The following ACSS3 variants were observed in gnomAD, a reference collection of about 807,000 sequenced individuals.
The protein encoded by ACSS3 is acyl-CoA synthetase short-chain family member 3, mitochondrial.
A neutral mutation model predicts 84.2 loss-of-function variants in ACSS3; 64 were observed. That is an observed-to-expected ratio of 0.76 (90% CI 0.62 to 0.94). The LOEUF is 0.94. Ranked by LOEUF, ACSS3 falls within the 40% of genes least tolerant of loss-of-function variation. The pLI, the probability that ACSS3 is intolerant of heterozygous loss-of-function variation, is 0.00. For missense variants in ACSS3, 815 were observed against 867.6 expected, an observed-to-expected ratio of 0.94 and a Z score of 0.76; for synonymous variants, 317 against 310.1, an observed-to-expected ratio of 1.02 and a Z score of -0.23.
chr12:81,253,139 T>C (rs773392057), intron 13 of ACSS3, among the ~76,000 whole-genome samples, 168 bp from the exon 14 acceptor site: 2 of 152,220 alleles, frequency 1.3e-5, no homozygotes, highest in Non-Finnish European at 2.9e-5. Context: ...AAATTACTTA[T>C]GAATTTTCAA....
In ACSS3 at chr12:81,198,816, C is replaced by T. The variant is rs1184697119; in HGVS notation, c.1251-525C>T. Reference sequence around the variant, plus strand: ...TTTACTTCTTTACCAGCTATTTCTCCTACATATGTCCTTGGAATAGGAAAA... The same window carrying T: ...TTTACTTCTTTACCAGCTATTTCTCTTACATATGTCCTTGGAATAGGAAAA... On this transcript the variant is annotated intron_variant, in intron 8 of 15. Coordinates refer to ENST00000548058, the MANE Select transcript of ACSS3 (RefSeq NM_024560.4). Among the ~76,000 whole-genome samples the T allele has an allele frequency of 3.3e-5, 5 of 152,070 alleles. No individual in the cohort carries two copies. The East Asian group carries it at 9.6e-4, about 29-fold the overall frequency.
intron 1 of ACSS3, among the ~76,000 whole-genome samples, chr12:81,095,029 T>C (rs924382730): frequency 2.0e-5 from 3 of 152,176 alleles, no homozygotes; most frequent in Admixed American, 6.5e-5. Context: ...GCTTCTGTTT[T>C]TTCCAACAAA....
At chr12:81,138,725 G>C (rs1175460004) in intron 3 of ACSS3, among the ~76,000 whole-genome samples, 1 of 152,146 alleles carries the variant, frequency 6.6e-6, no homozygotes, top group Non-Finnish European at 1.5e-5. Context: ...TAGGCATTTA[G>C]AAGAGAAATA....
At chr12:81,167,353 A>T (rs1887450727) in intron 7 of ACSS3, among the ~76,000 whole-genome samples, 1 of 152,214 alleles carries the variant, frequency 6.6e-6, no homozygotes, top group Non-Finnish European at 1.5e-5. Flanking sequence ...TAGACCATTT[A>T]GGATACACAC....
At chr12:81,222,052 A>G (rs141511581) in intron 11 of ACSS3, among the ~76,000 whole-genome samples, 386 of 152,188 alleles carry the variant, frequency 2.5e-3, no homozygotes, top group Non-Finnish European at 4.5e-3. Flanking sequence ...TTTTTTTCTT[A>G]TAGCCATTAG....
chr12:81,151,822 A>G (rs753163718), intron 5 of ACSS3, 22 bp from the exon 6 acceptor site: 1 of 1,601,866 alleles, frequency 6.2e-7, no homozygotes, highest in South Asian at 1.1e-5. Context: ...ATTGATTTTA[A>G]TTTCACTTTT....
At chr12:81,196,307 C>T (rs1004353704) in intron 8 of ACSS3, among the ~76,000 whole-genome samples, 5 of 152,072 alleles carry the variant, frequency 3.3e-5, no homozygotes, top group African/African-American at 9.7e-5. Context: ...AATACCCTCA[C>T]GTGGCTATTG....
intron 2 of ACSS3, among the ~76,000 whole-genome samples, chr12:81,127,828 C>A (rs183137824): frequency 6.6e-6 from 1 of 152,210 alleles, no homozygotes; most frequent in East Asian, 1.9e-4. Flanking sequence ...GGTGAGCACA[C>A]TTGCTATTTG....
intron 13 of ACSS3, among the ~76,000 whole-genome samples, chr12:81,248,606 T>C (rs567461733): frequency 6.6e-6 from 1 of 152,008 alleles, no homozygotes; most frequent in South Asian, 2.1e-4. Flanking sequence ...TGGGTACAAA[T>C]AAACAGTTAG....
intron 1 of ACSS3, among the ~76,000 whole-genome samples, chr12:81,082,891 G>A (rs1439624364): frequency 6.6e-6 from 1 of 152,092 alleles, no homozygotes; most frequent in Non-Finnish European, 1.5e-5. Flanking sequence ...AAAGTGCCTA[G>A]GACTGTCCCT....
chr12:81,174,912 C>T lies in ACSS3; in HGVS notation c.1223C>T (p.Ala408Val). The T allele has an allele frequency of 6.2e-7, 1 of 1,613,856 alleles. No homozygotes were observed. Among genetic ancestry groups the T allele is most frequent in the Non-Finnish European group, 8.5e-7 (1 of 1,179,832 alleles). The part of the protein sequence containing the change: ...RAIRQQDPGA[A>V]LGKQYSLTRF... ...ATCCGTCAACAGGACCCTGGGGCAG[C>T]TTTGGGGAAGCAGTACTCTCTGACA... Residue 408 changes from alanine (A) to valine (V), a missense_variant, in exon 8 of 16, where the codon GCT (alanine) becomes GTT (valine). Coordinates refer to ENST00000548058, the MANE Select transcript of ACSS3 (RefSeq NM_024560.4).
chr12:81,179,309 C>CAA (rs371028485), intron 8 of ACSS3, among the ~76,000 whole-genome samples: 1 of 121,066 alleles, frequency 8.3e-6, no homozygotes, highest in African/African-American at 3.1e-5. Context: ...AAAAAAAACA[C>CAA]AAAAAAAACC....
chr12:81,109,323 G>C (rs1593058959), intron 1 of ACSS3, among the ~76,000 whole-genome samples: 2 of 152,226 alleles, frequency 1.3e-5, no homozygotes, highest in East Asian at 3.9e-4. Flanking sequence ...CCAGCTGGAA[G>C]TGTGAGGTAT....
rs753939188 is a variant in ACSS3 at position 81,217,015 on chromosome 12, A to G, written c.1450+19A>G. ...TACAATGGTAAGGAATGACCCTGAT[A>G]ATACGTAAAGTTAATAAATTTGGCA... On this transcript the variant is annotated intron_variant, in intron 10 of 15. Transcript: ENST00000548058. 2 of 1,587,242 alleles carry G rather than the reference A, an allele frequency of 1.3e-6. No homozygotes were observed. Among genetic ancestry groups the G allele is most frequent in the Non-Finnish European group, 1.7e-6 (2 of 1,157,318 alleles).
intron 7 of ACSS3, among the ~76,000 whole-genome samples, chr12:81,158,947 G>A (rs539970651): frequency 6.6e-5 from 10 of 152,066 alleles, no homozygotes; most frequent in Non-Finnish European, 1.2e-4. Context: ...TGTGTCCACC[G>A]TCAATTCTCA....
chr12:81,205,451 G>A (rs2032305039), intron 9 of ACSS3, among the ~76,000 whole-genome samples: 1 of 152,114 alleles, frequency 6.6e-6, no homozygotes, highest in East Asian at 1.9e-4. Flanking sequence ...GTTTAAGACA[G>A]CAATACATTC....
intron 10 of ACSS3, among the ~76,000 whole-genome samples, chr12:81,218,698 G>A (rs1429124588): frequency 1.3e-5 from 2 of 151,966 alleles, no homozygotes; most frequent in Non-Finnish European, 2.9e-5. Context: ...TTCTGATGGT[G>A]GAAGACGTTA....
At chr12:81,100,070 C>T (rs1481136811) in intron 1 of ACSS3, among the ~76,000 whole-genome samples, 5 of 152,128 alleles carry the variant, frequency 3.3e-5, no homozygotes, top group South Asian at 4.1e-4. Flanking sequence ...GGAAAGACAG[C>T]GAAGACTCAG....
At chr12:81,135,156 T>A (rs1025850496) in intron 3 of ACSS3, 152 bp downstream of exon 3, 2 of 671,684 alleles carry the variant, frequency 3.0e-6, no homozygotes, top group Non-Finnish European at 4.2e-6. Flanking sequence ...ATCATTATAT[T>A]AAATATCAAA....
Sources: allele counts gnomAD v4.1 joint callset (sites outside exome capture counted in the v4.1 genomes callset), GRCh38; gene constraint gnomAD v4.1.1; transcripts MANE v1.5; gene names NCBI Gene and HGNC (gene_info 2026-07-23, HGNC 2026-07-21).